Variants in MGAT5 observed in about 807,000 individuals in gnomAD.
MGAT5 encodes alpha-1,6-mannosylglycoprotein 6-beta-N-acetylglucosaminyltransferase.
MGAT5 carries 30 observed loss-of-function variants against 94.3 expected under a neutral mutation model. That is an observed-to-expected ratio of 0.32 (90% confidence interval 0.24 to 0.43). The LOEUF (loss-of-function observed/expected upper bound fraction) is 0.43. Ranked by LOEUF, MGAT5 falls within the 20% of genes least tolerant of loss-of-function variation. MGAT5 has a pLI of 1.00. For missense variants in MGAT5, 691 were observed against 905.5 expected (o/e 0.76, Z 3.04); for synonymous variants, 310 against 322.9 (o/e 0.96, Z 0.43).
At chr2:134,208,025 C>T (rs16830211) in intron 1 of MGAT5, among the ~76,000 whole-genome samples, 13,759 of 152,196 alleles carry the variant, frequency 0.09, 807 homozygotes, top group East Asian at 0.26. Flanking sequence ...CTGTCCTAAC[C>T]CTATCAGCTT....
At chr2:134,170,223 C>G (rs1410603755) in intron 1 of MGAT5, among the ~76,000 whole-genome samples, 1 of 152,214 alleles carries the variant, frequency 6.6e-6, no homozygotes, top group Non-Finnish European at 1.5e-5. Context: ...AGAAACAAAT[C>G]TTGACTGCAC....
At chr2:134,189,602 G>GTTTTTTTTTGT (rs1689240830) in intron 1 of MGAT5, among the ~76,000 whole-genome samples, 1 of 84,672 alleles carries the variant, frequency 1.2e-5, no homozygotes, top group African/African-American at 4.8e-5. Context: ...GTTTTTTTTT[G>GTTTTTTTTTGT]TTTTTTTTTT....
intron 12 of MGAT5, among the ~76,000 whole-genome samples, chr2:134,416,735 C>T (rs192804185): frequency 6.6e-6 from 1 of 150,712 alleles, no homozygotes; most frequent in Admixed American, 6.6e-5. Context: ...CTTAGGATTA[C>T]AGACACACCC....
chr2:134,316,938 A>G (rs1687030005), intron 2 of MGAT5, among the ~76,000 whole-genome samples: 1 of 152,178 alleles, frequency 6.6e-6, no homozygotes, highest in Admixed American at 6.5e-5. Flanking sequence ...AAGTATTTAA[A>G]ACAATAAGGA....
chr2:134,341,954 G>A (rs917131425), intron 7 of MGAT5, among the ~76,000 whole-genome samples, 195 bp downstream of exon 7: 7 of 152,064 alleles, frequency 4.6e-5, no homozygotes, highest in Admixed American at 2.0e-4. Flanking sequence ...TTTCATTGTC[G>A]CTGAAGGCTC....
chr2:134,266,478 C>T (rs1323031030), intron 1 of MGAT5, among the ~76,000 whole-genome samples: 1 of 152,328 alleles, frequency 6.6e-6, no homozygotes, highest in East Asian at 1.9e-4. Context: ...GCCTCGGCCT[C>T]CCAAAGTGCT....
At chr2:134,201,814 TGC>T in intron 1 of MGAT5, among the ~76,000 whole-genome samples, 1 of 126,496 alleles carries the variant, frequency 7.9e-6, no homozygotes, top group African/African-American at 3.1e-5. Context: ...GGCCAAGCGC[TGC>T]TTTTTTTTTT....
At chr2:134,413,106 G>T in intron 12 of MGAT5, 91 bp downstream of exon 12, 3 of 1,410,970 alleles carry the variant, frequency 2.1e-6, no homozygotes, top group Non-Finnish European at 2.0e-6. Flanking sequence ...CATCTAACAT[G>T]ATTGGGTGGG....
chr2:134,245,132 C>T (rs1327327393), intron 1 of MGAT5, among the ~76,000 whole-genome samples: 2 of 152,210 alleles, frequency 1.3e-5, no homozygotes, highest in East Asian at 3.9e-4. Flanking sequence ...CCTGCCTCAG[C>T]CTCCCGAGTA....
chr2:134,272,113 C>T (rs1333567272), intron 2 of MGAT5, among the ~76,000 whole-genome samples: 1 of 152,210 alleles, frequency 6.6e-6, no homozygotes, highest in African/African-American at 2.4e-5. Flanking sequence ...TGTTGCAAGG[C>T]TCACAAGGAC....
intron 2 of MGAT5, among the ~76,000 whole-genome samples, chr2:134,290,716 A>G (rs1341211983): frequency 1.3e-5 from 2 of 152,190 alleles, no homozygotes; most frequent in Non-Finnish European, 2.9e-5. Flanking sequence ...CTGTGGCTTT[A>G]TCTCTATCTG....
At chr2:134,310,357 G>A (rs932860656) in intron 2 of MGAT5, among the ~76,000 whole-genome samples, 1 of 152,150 alleles carries the variant, frequency 6.6e-6, no homozygotes, top group African/African-American at 2.4e-5. Context: ...AGTGGATTTT[G>A]TTTAATCCAT....
chr2:134,398,140 T>C (rs754574491), intron 10 of MGAT5, among the ~76,000 whole-genome samples: 1 of 152,208 alleles, frequency 6.6e-6, no homozygotes, highest in Non-Finnish European at 1.5e-5. Flanking sequence ...TTTGGAGATA[T>C]TAGCAAATAC....
At chr2:134,266,852 TG>T (rs1428367098) in intron 1 of MGAT5, among the ~76,000 whole-genome samples, 2 of 152,230 alleles carry the variant, frequency 1.3e-5, no homozygotes, top group Non-Finnish European at 2.9e-5. Flanking sequence ...TCTTTCATAT[TG>T]GGAGAGAAAA....
intron 1 of MGAT5, among the ~76,000 whole-genome samples, chr2:134,234,897 G>A (rs1385584403): frequency 6.6e-6 from 1 of 152,164 alleles, no homozygotes; most frequent in East Asian, 1.9e-4. Context: ...TTGTATATTT[G>A]CCTCAGTCTT....
At chr2:134,371,913 C>T (rs546226960) in intron 10 of MGAT5, among the ~76,000 whole-genome samples, 1 of 150,718 alleles carries the variant, frequency 6.6e-6, no homozygotes, top group African/African-American at 2.5e-5. Context: ...ATTCTTAGAA[C>T]CTAGGTCTGT....
intron 2 of MGAT5, among the ~76,000 whole-genome samples, chr2:134,286,493 G>A (rs551133603): frequency 3.4e-4 from 52 of 151,812 alleles, no homozygotes; most frequent in African/African-American, 8.0e-4. Flanking sequence ...GTATAGTGGC[G>A]CAGTCTCTGC....
At chr2:134,390,983 G>A (rs893688261) in intron 10 of MGAT5, among the ~76,000 whole-genome samples, 8 of 152,000 alleles carry the variant, frequency 5.3e-5, no homozygotes, top group Non-Finnish European at 1.2e-4. Flanking sequence ...TTCGTTTCTT[G>A]GACTCCTATT....
In MGAT5 at chr2:134,270,493, A is replaced by G. The variant is rs1260252204; in HGVS notation, c.349A>G (p.Thr117Ala). The G allele has an allele frequency of 1.2e-6, 2 of 1,614,082 alleles. No individual in the cohort carries two copies. The highest frequency in any genetic ancestry group is 2.7e-5 in the African/African-American group (2 of 74,930). Reference protein sequence around the residue: ...LVVNGTGTNSTNSTTAVPSLV... With the variant: ...LVVNGTGTNSANSTTAVPSLV... ...TGTCAATGGCACCGGAACAAACTCA[A>G]CCAACTCCACTACAGCTGTTCCCAG... The change falls in exon 2 of 16, where the codon ACC becomes GCC. Residue 117 changes from threonine (T) to alanine (A), a missense_variant. Thr to Ala is a moderately conservative substitution (Grantham distance 58). Coordinates refer to ENST00000281923, the MANE Select transcript of MGAT5 (RefSeq NM_002410.5).
Sources: gnomAD v4.1 joint callset for allele counts (sites outside exome capture counted in the v4.1 genomes callset) on GRCh38, gnomAD v4.1.1 for gene constraint, MANE v1.5 for transcripts, NCBI Gene and HGNC (gene_info 2026-07-23, HGNC 2026-07-21) for gene names.